The following NLRP3 variants were observed in gnomAD, a reference collection of about 807,000 sequenced individuals.
NLRP3 encodes NLR family pyrin domain containing 3.
Under a neutral mutation model 91.3 loss-of-function variants are expected in NLRP3, and 48 were observed. That is an observed-to-expected ratio of 0.53 (90% CI 0.42 to 0.67). The LOEUF (loss-of-function observed/expected upper bound fraction) is 0.67, where lower values mean the gene tolerates loss of function less well. Ranked by LOEUF, NLRP3 falls within the 30% of genes least tolerant of loss-of-function variation. The probability of loss-of-function intolerance (pLI) is 0.00; values close to 1 mark genes in which losing one functional copy is unlikely to be tolerated. For synonymous variants in NLRP3, 561 were observed against 507.9 expected (o/e 1.10, Z -1.41); for missense variants, 982 against 1,276.9 (o/e 0.77, Z 3.52).
At chr1:247,443,890 G>C in intron 7 of NLRP3, 82 bp from the exon 8 acceptor site, 1 of 1,372,662 alleles carries the variant, frequency 7.3e-7, no homozygotes, top group Non-Finnish European at 1.0e-6. Context: ...TGCTGAGAGA[G>C]GACGAGGCAC....
At chr1:247,416,684 G>T (rs1377478557) in intron 1 of NLRP3, among the ~76,000 whole-genome samples, 1 of 150,674 alleles carries the variant, frequency 6.6e-6, no homozygotes, top group Non-Finnish European at 1.5e-5. Context: ...GGATGGGCAG[G>T]AGCTGGGAGG....
chr1:247,432,711 G>A (rs1427554051), intron 5 of NLRP3, among the ~76,000 whole-genome samples: 1 of 152,156 alleles, frequency 6.6e-6, no homozygotes, highest in Non-Finnish European at 1.5e-5. Flanking sequence ...TAAGGATAGG[G>A]ACAGAAAGGA....
chr1:247,427,641 C>T (rs61841180), intron 4 of NLRP3, among the ~76,000 whole-genome samples: 1 of 143,496 alleles, frequency 7.0e-6, no homozygotes, highest in African/African-American at 2.6e-5. Context: ...AGGCTCAGCA[C>T]CCATTTCTCT....
intron 4 of NLRP3, among the ~76,000 whole-genome samples, chr1:247,428,873 C>T (rs12728998): frequency 0.18 from 27,100 of 150,012 alleles, 2,448 homozygotes; most frequent in Middle Eastern, 0.25. Flanking sequence ...ATGGATGTGG[C>T]CTGGGCTTGC....
Position 247,424,684 on chromosome 1 carries a change from T to A in NLRP3, c.1235T>A (p.Val412Asp). ...VLFTMCFIPL[V>D]CWIVCTGLKQ... The stretch of plus-strand genomic sequence containing the variant: ...TTCACCATGTGCTTCATCCCCCTGG[T>A]CTGCTGGATCGTGTGCACTGGACTG... Residue 412 changes from valine to aspartate, a missense_variant, in exon 4 of 10, where the codon GTC becomes GAC. Val to Asp is a radical substitution (Grantham distance 152). Coordinates refer to ENST00000336119, the MANE Select transcript of NLRP3 (RefSeq NM_001243133.2). The surrounding 1 kb of genome is among the most constrained non-coding windows in gnomAD (Gnocchi z 8.1). The A allele has an allele frequency of 6.2e-7, 1 of 1,614,226 alleles. No homozygotes were observed. Among genetic ancestry groups the A allele is most frequent in the Non-Finnish European group, 8.5e-7 (1 of 1,180,050 alleles).
chr1:247,442,014 A>G (rs1196545545), intron 7 of NLRP3, among the ~76,000 whole-genome samples: 1 of 152,260 alleles, frequency 6.6e-6, no homozygotes, highest in Non-Finnish European at 1.5e-5. Flanking sequence ...TTTGCCAGGA[A>G]TGCTACTAAT....
Position 247,429,655 on chromosome 1 carries a change from C to T in NLRP3, c.2221C>T (p.Leu741=). The T allele has an allele frequency of 6.2e-7, 1 of 1,614,172 alleles. No homozygotes were observed. The highest frequency in any genetic ancestry group is 8.5e-7 in the Non-Finnish European group (1 of 1,180,004). The change falls in exon 5 of 10, where the codon CTA becomes TTA. Residue 741 remains leucine (L), a synonymous_variant. Transcript: ENST00000336119. ...TTCAGTTCTGAGCACCAGCCAGAGT[C>T]TAACTGAATTGGACCTCAGTGACAA... is the stretch of plus-strand genomic sequence containing the variant. ...LFSVLSTSQS[L]TELDLSDNSL...
chr1:247,445,500 G>A (rs1664529744), intron 9 of NLRP3, among the ~76,000 whole-genome samples: 1 of 152,116 alleles, frequency 6.6e-6, no homozygotes, highest in African/African-American at 2.4e-5. Context: ...GTGCCTGGCG[G>A]TTTCTGAGGA....
chr1:247,447,446 C>G (rs1664655082), intron 9 of NLRP3, among the ~76,000 whole-genome samples: 2 of 152,194 alleles, frequency 1.3e-5, no homozygotes, highest in Non-Finnish European at 2.9e-5. Context: ...CGGGCTTCAT[C>G]ATGGGAATTG....
At chr1:247,423,797 T>G (rs200206657) in intron 3 of NLRP3, 50 bp from the exon 4 acceptor site, 3 of 1,544,020 alleles carry the variant, frequency 1.9e-6, no homozygotes, top group East Asian at 2.3e-5. Flanking sequence ...AGAGCGCATC[T>G]CAGGTGGATG....
At position 247,423,211 on chromosome 1, in the gene NLRP3, C is replaced by G. The variant is rs199759180; in HGVS notation, c.278-19C>G. On this transcript the variant is annotated intron_variant, in intron 2 of 9. Transcript: ENST00000336119. Reference sequence around the variant, plus strand: ...GTGATAATAGTTCTGGGTTTTGACACCTTTTTTTTCCCTTTTAGGTTCAGA... The same window carrying G: ...GTGATAATAGTTCTGGGTTTTGACAGCTTTTTTTTCCCTTTTAGGTTCAGA... The G allele has an allele frequency of 1.9e-6, 3 of 1,613,828 alleles. No homozygotes were observed. Among genetic ancestry groups the G allele is most frequent in the Non-Finnish European group, 2.5e-6 (3 of 1,179,920 alleles).
At chr1:247,430,075 C>T (rs539239882) in intron 5 of NLRP3, among the ~76,000 whole-genome samples, 2 of 152,056 alleles carry the variant, frequency 1.3e-5, no homozygotes, top group Admixed American at 6.6e-5. Flanking sequence ...GGGGTTTCAT[C>T]ATGTTGTCCA....
At chr1:247,430,232 A>G (rs1159675960) in intron 5 of NLRP3, among the ~76,000 whole-genome samples, 1 of 152,126 alleles carries the variant, frequency 6.6e-6, no homozygotes, top group East Asian at 1.9e-4. Context: ...TCAACAACAA[A>G]AATTCATTTT....
At chr1:247,432,223 T>C (rs1663385364) in intron 5 of NLRP3, among the ~76,000 whole-genome samples, 1 of 152,182 alleles carries the variant, frequency 6.6e-6, no homozygotes, top group African/African-American at 2.4e-5. Flanking sequence ...TTGTACCCAA[T>C]AAATAATTTT....
intron 4 of NLRP3, among the ~76,000 whole-genome samples, chr1:247,429,175 G>A (rs967608501): frequency 6.6e-6 from 1 of 152,196 alleles, no homozygotes; most frequent in African/African-American, 2.4e-5. Flanking sequence ...TTACAGGTGT[G>A]AGCCACCATG....
chr1:247,444,547 T>A, intron 8 of NLRP3, 104 bp from the exon 9 acceptor site: 8 of 1,212,862 alleles, frequency 6.6e-6, no homozygotes, highest in Non-Finnish European at 9.6e-6. Context: ...CTCCTGTGCT[T>A]TTTTTTTTTC....
chr1:247,442,366 C>T (rs10157521), intron 7 of NLRP3, among the ~76,000 whole-genome samples: 4,726 of 152,200 alleles, frequency 0.031, 241 homozygotes, highest in African/African-American at 0.11. Flanking sequence ...CAATCACCTG[C>T]GCTATTCCTG....
At chr1:247,431,254 C>T (rs79490472) in intron 5 of NLRP3, among the ~76,000 whole-genome samples, 5,218 of 152,178 alleles carry the variant, frequency 0.034, 136 homozygotes, top group Non-Finnish European at 0.052. Context: ...CAGATTCACA[C>T]GCCCCACCGC....
At chr1:247,431,950 G>A (rs1457623319) in intron 5 of NLRP3, among the ~76,000 whole-genome samples, 3 of 152,136 alleles carry the variant, frequency 2.0e-5, no homozygotes, top group Non-Finnish European at 4.4e-5. Context: ...CCAGGCTGGA[G>A]TACAGTGGAG....
Sources: gnomAD v4.1 joint callset for allele counts (sites outside exome capture counted in the v4.1 genomes callset) on GRCh38, gnomAD v4.1.1 for gene constraint, Gnocchi (gnomAD v3.1) non-coding constraint, MANE v1.5 for transcripts, NCBI Gene and HGNC (gene_info 2026-07-23, HGNC 2026-07-21) for gene names.